TMEM156: variants seen among roughly 807,000 people sequenced by gnomAD.
TMEM156 encodes the protein transmembrane protein 156.
Under a neutral mutation model 30.5 loss-of-function variants are expected in TMEM156, and 28 were observed. The ratio of observed to expected loss-of-function variants is 0.92; its 90% CI spans 0.68 to 1.26. The LOEUF (loss-of-function observed/expected upper bound fraction) is 1.26. Ranked by LOEUF, TMEM156 falls within the 50% of genes most tolerant of loss-of-function variation. The pLI is 0.00. For synonymous variants in TMEM156, 137 were observed against 119.9 expected, an observed-to-expected ratio of 1.14 and a Z score of -0.93; for missense variants, 351 against 340.6, an observed-to-expected ratio of 1.03 and a Z score of -0.24.
intron 1 of TMEM156, among the ~76,000 whole-genome samples, chr4:39,011,307 A>T (rs139380150): frequency 6.6e-6 from 1 of 152,350 alleles, no homozygotes; most frequent in Non-Finnish European, 1.5e-5. Context: ...TGGAAATACA[A>T]ATTAGTTCAG....
chr4:38,968,773 C>T (rs1030329710), intron 6 of TMEM156, among the ~76,000 whole-genome samples: 1 of 152,188 alleles, frequency 6.6e-6, no homozygotes, highest in Non-Finnish European at 1.5e-5. Context: ...CAGACAGATT[C>T]TTGGCACTAA....
intron 1 of TMEM156, among the ~76,000 whole-genome samples, chr4:39,008,082 T>A (rs1374926352): frequency 6.6e-6 from 1 of 152,218 alleles, no homozygotes; most frequent in African/African-American, 2.4e-5. Flanking sequence ...ATTATAACTT[T>A]ATTTCTTACT....
chr4:39,004,420 G>A (rs751819153), intron 1 of TMEM156, among the ~76,000 whole-genome samples: 14 of 151,998 alleles, frequency 9.2e-5, no homozygotes, highest in Non-Finnish European at 1.8e-4. Flanking sequence ...TATATAAAAT[G>A]TATTGTGCCA....
At chr4:39,022,531 C>T (rs1226323254) in intron 1 of TMEM156, among the ~76,000 whole-genome samples, 1 of 152,122 alleles carries the variant, frequency 6.6e-6, no homozygotes, top group Admixed American at 6.5e-5. Context: ...GTCTTATTGT[C>T]TTATCAGTTT....
At chr4:38,997,752 A>G (rs182501265) in intron 2 of TMEM156, among the ~76,000 whole-genome samples, 5 of 152,360 alleles carry the variant, frequency 3.3e-5, no homozygotes, top group Admixed American at 3.3e-4. Flanking sequence ...ACTGCAGATA[A>G]TAAGCAGTTA....
intron 3 of TMEM156, among the ~76,000 whole-genome samples, chr4:38,992,016 G>A (rs900035364): frequency 6.6e-6 from 1 of 152,134 alleles, no homozygotes; most frequent in African/African-American, 2.4e-5. Context: ...GGAAAACTTA[G>A]TCACAGGAGA....
chr4:38,990,178 T>A (rs1325840114), intron 3 of TMEM156, among the ~76,000 whole-genome samples: 2 of 152,256 alleles, frequency 1.3e-5, no homozygotes, highest in Non-Finnish European at 2.9e-5. Context: ...CTTAGCAGAA[T>A]GTATACCATG....
intron 2 of TMEM156, among the ~76,000 whole-genome samples, chr4:38,998,116 G>A (rs1307533455): frequency 1.3e-5 from 2 of 152,082 alleles, no homozygotes; most frequent in Admixed American, 1.3e-4. Flanking sequence ...AATTACAGTG[G>A]CATTTTGATG....
chr4:38,970,918 A>T, intron 6 of TMEM156, 114 bp downstream of exon 6: 1 of 647,946 alleles, frequency 1.5e-6, no homozygotes, highest in Non-Finnish European at 2.7e-6. Context: ...GACTTTGCAA[A>T]TTCATCATTT....
intron 1 of TMEM156, among the ~76,000 whole-genome samples, chr4:39,015,967 T>C (rs1228202708): frequency 2.0e-5 from 3 of 152,208 alleles, no homozygotes; most frequent in African/African-American, 7.2e-5. Context: ...TGTGAGTCCA[T>C]TAAACCTCTT....
intron 1 of TMEM156, among the ~76,000 whole-genome samples, chr4:39,010,627 A>G (rs1714047446): frequency 6.6e-6 from 1 of 152,198 alleles, no homozygotes; most frequent in African/African-American, 2.4e-5. Flanking sequence ...ACCTACAACC[A>G]ACTGATCTTT....
chr4:39,010,878 A>G (rs947127749), intron 1 of TMEM156, among the ~76,000 whole-genome samples: 7 of 152,212 alleles, frequency 4.6e-5, no homozygotes, highest in African/African-American at 1.7e-4. Flanking sequence ...ATAAGTCCTC[A>G]AAAGCAAACG....
At chr4:38,981,151 T>C (rs1213674799) in intron 5 of TMEM156, among the ~76,000 whole-genome samples, 1 of 152,250 alleles carries the variant, frequency 6.6e-6, no homozygotes, top group African/African-American at 2.4e-5. Context: ...CTTTCTTGGT[T>C]GCAGGACATC....
At chr4:38,981,943 G>A (rs75914689) in intron 5 of TMEM156, among the ~76,000 whole-genome samples, 3,259 of 152,212 alleles carry the variant, frequency 0.021, 128 homozygotes, top group African/African-American at 0.075. Flanking sequence ...CTTAATGGTC[G>A]TAATGGTTAA....
At chr4:38,989,296 A>G (rs1169888291) in intron 3 of TMEM156, among the ~76,000 whole-genome samples, 1 of 152,234 alleles carries the variant, frequency 6.6e-6, no homozygotes, top group Admixed American at 6.5e-5. Context: ...TAGCAATCCC[A>G]GAATCAGAAC....
intron 5 of TMEM156, among the ~76,000 whole-genome samples, chr4:38,978,612 C>G (rs1723004883): frequency 6.6e-6 from 1 of 152,194 alleles, no homozygotes; most frequent in South Asian, 2.1e-4. Flanking sequence ...AAATGGTCCT[C>G]TGATTTTAAT....
At chr4:39,006,526 T>C (rs1452290644) in intron 1 of TMEM156, among the ~76,000 whole-genome samples, 1 of 152,178 alleles carries the variant, frequency 6.6e-6, no homozygotes, top group Non-Finnish European at 1.5e-5. Context: ...TTGAGCTTTG[T>C]GTCTGAAGTC....
At chr4:38,969,150 T>C (rs1722480321) in intron 6 of TMEM156, among the ~76,000 whole-genome samples, 1 of 152,234 alleles carries the variant, frequency 6.6e-6, no homozygotes, top group African/African-American at 2.4e-5. Flanking sequence ...TTTCACACAT[T>C]CAATGTATTC....
At chr4:38,994,210 A>G (rs576494732) in intron 2 of TMEM156, among the ~76,000 whole-genome samples, 1 of 151,912 alleles carries the variant, frequency 6.6e-6, no homozygotes, top group Non-Finnish European at 1.5e-5. Flanking sequence ...CTGCAGCCTC[A>G]CCCTCCCGGG....
Sources: gnomAD v4.1 joint callset for allele counts (sites outside exome capture counted in the v4.1 genomes callset) on GRCh38, gnomAD v4.1.1 for gene constraint, MANE v1.5 for transcripts, NCBI Gene and HGNC (gene_info 2026-07-23, HGNC 2026-07-21) for gene names.